SMOC2: variants seen among roughly 807,000 people sequenced by gnomAD.
SMOC2 encodes the protein SPARC-related modular calcium-binding protein 2.
A neutral mutation model predicts 61.4 loss-of-function variants in SMOC2; 39 were observed. The ratio of observed to expected loss-of-function variants is 0.64; its 90% confidence interval spans 0.49 to 0.83. The LOEUF is 0.83. Ranked by LOEUF, SMOC2 falls within the 40% of genes least tolerant of loss-of-function variation. The pLI, the probability that SMOC2 is intolerant of heterozygous loss-of-function variation, is 0.00. For missense variants in SMOC2, 556 were observed against 592.9 expected (o/e 0.94, Z 0.65); for synonymous variants, 247 against 239.9 (o/e 1.03, Z -0.27).
intron 3 of SMOC2, among the ~76,000 whole-genome samples, chr6:168,526,951 C>T (rs1188911690): frequency 6.6e-6 from 1 of 152,162 alleles, no homozygotes; most frequent in African/African-American, 2.4e-5. Context: ...AGAAAGTCAG[C>T]CAGCTCTCCG....
intron 1 of SMOC2, among the ~76,000 whole-genome samples, chr6:168,461,395 T>C (rs1221760036): frequency 6.6e-6 from 1 of 152,198 alleles, no homozygotes; most frequent in Non-Finnish European, 1.5e-5. Context: ...CATTTTTCAA[T>C]GGTGTTGGGT....
intron 9 of SMOC2, among the ~76,000 whole-genome samples, chr6:168,649,242 C>T (rs1005463079): frequency 2.0e-5 from 3 of 152,224 alleles, no homozygotes; most frequent in African/African-American, 4.8e-5. Context: ...GCGGGGCCGT[C>T]TAAAACTTTT....
chr6:168,664,693 ATGTGT>A (rs758021726), intron 12 of SMOC2: 2 of 470,764 alleles, frequency 4.2e-6, no homozygotes, highest in Non-Finnish European at 8.8e-6. Flanking sequence ...GTTCACAAAC[ATGTGT>A]TGTGTTTCTG....
At chr6:168,531,762 C>T (rs932897618) in intron 4 of SMOC2, among the ~76,000 whole-genome samples, 1 of 152,200 alleles carries the variant, frequency 6.6e-6, no homozygotes, top group Non-Finnish European at 1.5e-5. Context: ...ACGAGAAAAC[C>T]TTCCAAGGTC....
intron 4 of SMOC2, among the ~76,000 whole-genome samples, chr6:168,539,808 C>T (rs1047127300): frequency 6.6e-6 from 1 of 152,194 alleles, no homozygotes; most frequent in African/African-American, 2.4e-5. Flanking sequence ...GCCTACTCAC[C>T]CCTTTACTCT....
rs536658754 is a variant in SMOC2, at chr6:168,505,362, T to G, written c.85-4553T>G. Among the ~76,000 whole-genome samples, 3 of 152,256 alleles carry G rather than the reference T, an allele frequency of 2.0e-5. No homozygotes were observed. In the East Asian group the frequency reaches 5.8e-4, roughly 29 times the overall value. Reference sequence around the variant, plus strand: ...GTCCATCTCTCAGATGCCAGATGAATGACTGAATGAAATGTCTGTATCTCA... The same window carrying G: ...GTCCATCTCTCAGATGCCAGATGAAGGACTGAATGAAATGTCTGTATCTCA... On this transcript the variant is annotated intron_variant, in intron 1 of 12. Coordinates refer to ENST00000356284, the MANE Select transcript of SMOC2 (RefSeq NM_001166412.2).
chr6:168,632,160 C>T (rs1193855985), intron 9 of SMOC2, among the ~76,000 whole-genome samples: 1 of 152,140 alleles, frequency 6.6e-6, no homozygotes, highest in African/African-American at 2.4e-5. Context: ...TTTTTGGTCA[C>T]CTGGTTGATT....
intron 9 of SMOC2, among the ~76,000 whole-genome samples, chr6:168,646,702 C>G (rs1001698030): frequency 6.6e-6 from 1 of 152,116 alleles, no homozygotes; most frequent in African/African-American, 2.4e-5. Flanking sequence ...GTCTCAGGGA[C>G]CCGCCAGTTC....
At chr6:168,571,037 G>A (rs538178323) in intron 7 of SMOC2, among the ~76,000 whole-genome samples, 28 of 152,222 alleles carry the variant, frequency 1.8e-4, no homozygotes, top group African/African-American at 5.8e-4. Context: ...GGGTTTCCAC[G>A]ACCCTCTTTG....
intron 7 of SMOC2, among the ~76,000 whole-genome samples, chr6:168,587,453 T>C (rs2115167811): frequency 1.3e-5 from 2 of 152,268 alleles, no homozygotes; most frequent in Middle Eastern, 6.8e-3. Flanking sequence ...CATCAATCAG[T>C]ATGTGTAAGA....
At chr6:168,575,839 T>C (rs182552069) in intron 7 of SMOC2, among the ~76,000 whole-genome samples, 2 of 151,128 alleles carry the variant, frequency 1.3e-5, no homozygotes, top group Non-Finnish European at 2.9e-5. Context: ...ACCGACTTCC[T>C]TGATCATCAC....
At chr6:168,462,167 T>G (rs1365421815) in intron 1 of SMOC2, among the ~76,000 whole-genome samples, 1 of 152,158 alleles carries the variant, frequency 6.6e-6, no homozygotes, top group Admixed American at 6.5e-5. Context: ...GCACACTTTT[T>G]CATTACTGAG....
chr6:168,627,262 C>G (rs775546078), intron 9 of SMOC2, among the ~76,000 whole-genome samples: 59 of 152,168 alleles, frequency 3.9e-4, no homozygotes, highest in Non-Finnish European at 7.8e-4. Context: ...ATTGAAGCAC[C>G]TTATAAAAAT....
At chr6:168,466,556 A>G (rs911288350) in intron 1 of SMOC2, among the ~76,000 whole-genome samples, 2 of 152,266 alleles carry the variant, frequency 1.3e-5, no homozygotes, top group African/African-American at 4.8e-5. Flanking sequence ...TGAGGAGGTC[A>G]CTTCCAACTT....
intron 5 of SMOC2, among the ~76,000 whole-genome samples, chr6:168,546,037 T>G (rs1389740126): frequency 6.6e-6 from 1 of 152,088 alleles, no homozygotes; most frequent in African/African-American, 2.4e-5. Context: ...GCTAGCAAAC[T>G]GTTTTTGAGA....
chr6:168,564,124 A>G (rs1784488164), intron 7 of SMOC2, among the ~76,000 whole-genome samples: 1 of 152,186 alleles, frequency 6.6e-6, no homozygotes, highest in Non-Finnish European at 1.5e-5. Flanking sequence ...ATTTTTCCCA[A>G]ATTACGTATG....
chr6:168,656,290 C>T (rs1029427760), intron 11 of SMOC2, among the ~76,000 whole-genome samples: 5 of 151,952 alleles, frequency 3.3e-5, no homozygotes, highest in Admixed American at 6.6e-5. Context: ...GCGGGTGGAT[C>T]ACCTGCGGTC....
chr6:168,530,637 A>ACCCCCCCCCCCCCCCCCCCCCCCCCCC (rs3064057), intron 4 of SMOC2, among the ~76,000 whole-genome samples: 1 of 120,190 alleles, frequency 8.3e-6, no homozygotes, highest in African/African-American at 4.1e-5. Flanking sequence ...TCACGGTGCA[A>ACCCCCCCCCCCCCCCCCCCCCCCCCCC]CCCCCCCCCC....
chr6:168,471,875 G>A (rs1348859686), intron 1 of SMOC2, among the ~76,000 whole-genome samples: 1 of 152,128 alleles, frequency 6.6e-6, no homozygotes, highest in Non-Finnish European at 1.5e-5. Context: ...TTCAAGTCCT[G>A]TGCCCATTTT....
Sources: gnomAD v4.1 joint callset for allele counts (sites outside exome capture counted in the v4.1 genomes callset) on GRCh38, gnomAD v4.1.1 for gene constraint, MANE v1.5 for transcripts, NCBI Gene and HGNC (gene_info 2026-07-23, HGNC 2026-07-21) for gene names.